GALNTL5: variants seen among roughly 807,000 people sequenced by gnomAD.
GALNTL5 encodes inactive polypeptide N-acetylgalactosaminyltransferase-like protein 5.
Under a neutral mutation model 51.0 loss-of-function variants are expected in GALNTL5, and 44 were observed. The ratio of observed to expected loss-of-function variants is 0.86; its 90% CI spans 0.68 to 1.11. GALNTL5 has a LOEUF of 1.11. GALNTL5 is among the 50% of genes least tolerant of loss of function. The probability of loss-of-function intolerance (pLI) is 0.00; values close to 1 mark genes in which losing one functional copy is unlikely to be tolerated. For missense variants in GALNTL5, 528 were observed against 531.8 expected, an observed-to-expected ratio of 0.99 and a Z score of 0.07; for synonymous variants, 192 against 182.8, an observed-to-expected ratio of 1.05 and a Z score of -0.41.
chr7:151,974,337 G>T (rs1049374629), intron 3 of GALNTL5, among the ~76,000 whole-genome samples: 2 of 152,096 alleles, frequency 1.3e-5, no homozygotes, highest in African/African-American at 4.8e-5. Flanking sequence ...TGCCCTCAAG[G>T]TTCATCTATG....
chr7:152,012,149 G>A (rs2081745299), intron 7 of GALNTL5, among the ~76,000 whole-genome samples: 1 of 152,172 alleles, frequency 6.6e-6, no homozygotes. Flanking sequence ...CATGATGTGT[G>A]CTCACGATCC....
intron 5 of GALNTL5, among the ~76,000 whole-genome samples, chr7:151,999,476 A>G (rs2081544113): frequency 6.6e-6 from 1 of 152,224 alleles, no homozygotes; most frequent in South Asian, 2.1e-4. Flanking sequence ...TCCCACCAGC[A>G]ATGTGTAAGA....
intron 2 of GALNTL5, 129 bp from the exon 3 acceptor site, chr7:151,970,816 G>A: frequency 1.5e-6 from 1 of 686,868 alleles, no homozygotes; most frequent in South Asian, 1.9e-5. Context: ...GACCATTTTT[G>A]CACAGATCGA....
intron 1 of GALNTL5, among the ~76,000 whole-genome samples, chr7:151,964,561 C>CT (rs1213592840): frequency 1.3e-5 from 2 of 152,152 alleles, no homozygotes; most frequent in South Asian, 2.1e-4. Context: ...CTTGCTCCTC[C>CT]TTGCCTTCCA....
intron 5 of GALNTL5, chr7:151,994,976 C>T (rs1217577830): frequency 6.6e-6 from 1 of 152,180 alleles, no homozygotes; most frequent in African/African-American, 2.4e-5. Context: ...CCAGGATGGT[C>T]TCGATCTCCT....
intron 5 of GALNTL5, chr7:151,995,179 G>C (rs1287957513): frequency 6.6e-6 from 1 of 152,366 alleles, no homozygotes; most frequent in Non-Finnish European, 1.5e-5. Context: ...GGCAGCCTGC[G>C]GTGAATGCTG....
intron 3 of GALNTL5, 150 bp downstream of exon 3, chr7:151,971,215 GT>G: frequency 1.7e-6 from 1 of 604,526 alleles, no homozygotes; most frequent in Non-Finnish European, 2.8e-6. Flanking sequence ...AGGACTTGAA[GT>G]CAGATAATGT....
chr7:151,991,559 C>G (rs2081429370), intron 5 of GALNTL5, among the ~76,000 whole-genome samples: 1 of 152,148 alleles, frequency 6.6e-6, no homozygotes, highest in Non-Finnish European at 1.5e-5. Context: ...GAATAGTCCA[C>G]CATTTCTTCA....
intron 6 of GALNTL5, among the ~76,000 whole-genome samples, chr7:152,004,321 A>G (rs2081616739): frequency 6.7e-6 from 1 of 150,346 alleles, no homozygotes. Flanking sequence ...TACCTATTAT[A>G]TGTAATATAT....
intron 3 of GALNTL5, among the ~76,000 whole-genome samples, chr7:151,977,409 T>C (rs2081220240): frequency 6.6e-6 from 1 of 152,180 alleles, no homozygotes; most frequent in Non-Finnish European, 1.5e-5. Flanking sequence ...TACGAACTTA[T>C]GAGCACAAGG....
At chr7:151,957,422 G>C (rs1277212517) in intron 1 of GALNTL5, among the ~76,000 whole-genome samples, 2 of 150,006 alleles carry the variant, frequency 1.3e-5, no homozygotes, top group African/African-American at 4.9e-5. Flanking sequence ...GCACTCACCA[G>C]CCTGTAGTAC....
At position 152,018,427 on chromosome 7, in the gene GALNTL5, G is replaced by A. The variant is rs546750581; in HGVS notation, c.1177-1219G>A. Among the ~76,000 whole-genome samples, 230 of 152,074 alleles carry A rather than the reference G, an allele frequency of 1.5e-3. 2 individuals carry two copies. Among genetic ancestry groups the A allele is most frequent in the African/African-American group, 5.2e-3 (217 of 41,496 alleles). On this transcript the variant is annotated intron_variant, in intron 8 of 8. Transcript: ENST00000392800. ...ATTGTTTAAAATTGTATTTCATTAC[G>A]ACAACTCTTGAGCTTATTTTCATGT...
At position 152,003,116 on chromosome 7, in the gene GALNTL5, T is replaced by C. The variant is rs117873175; in HGVS notation, c.908+153T>C. Among the ~76,000 whole-genome samples the C allele has an allele frequency of 1.7e-3, 265 of 152,314 alleles. 8 individuals carry two copies. The East Asian group carries it at 0.043, about 25-fold the overall frequency. ...AGTCTTTAATACAGTAATAGAATTA[T>C]TGTTAATAGAATCACTTAGGACTCA... On this transcript the variant is annotated intron_variant, in intron 6 of 8. Coordinates refer to ENST00000392800, the MANE Select transcript of GALNTL5 (RefSeq NM_145292.4).
Position 152,000,386 on chromosome 7 carries a change from C to T in GALNTL5, c.659-2328C>T, listed in dbSNP as rs956682320. 2.0e-5 allele frequency among the ~76,000 whole-genome samples: 3 copies of T among 152,154 alleles called. No individual in the cohort carries two copies. In the East Asian group the frequency reaches 5.8e-4, roughly 29 times the overall value. On this transcript the variant is annotated intron_variant, in intron 5 of 8. Transcript: ENST00000392800. ...TTGCCCAGTTTGTGGGAACTGCTGA[C>T]CAGAGACCACCAGGGATGAGAAGGG... is the stretch of plus-strand genomic sequence containing the variant.
At chr7:151,999,373 T>C (rs2081542537) in intron 5 of GALNTL5, among the ~76,000 whole-genome samples, 1 of 152,238 alleles carries the variant, frequency 6.6e-6, no homozygotes, top group East Asian at 1.9e-4. Flanking sequence ...GGCATGTTCC[T>C]AGGAATAGAA....
At chr7:151,956,802 A>G (rs940147938) in intron 1 of GALNTL5, among the ~76,000 whole-genome samples, 193 bp downstream of exon 1, 3 of 152,190 alleles carry the variant, frequency 2.0e-5, no homozygotes, top group Non-Finnish European at 4.4e-5. Flanking sequence ...ACACCACCCT[A>G]AACGTGGACT....
intron 2 of GALNTL5, among the ~76,000 whole-genome samples, chr7:151,970,158 C>G (rs1409428158): frequency 6.6e-6 from 1 of 150,978 alleles, no homozygotes; most frequent in Non-Finnish European, 1.5e-5. Context: ...TGGGGGGGCC[C>G]CCACCAATAG....
At chr7:152,017,302 A>T (rs960834421) in intron 8 of GALNTL5, among the ~76,000 whole-genome samples, 5 of 152,160 alleles carry the variant, frequency 3.3e-5, no homozygotes, top group Non-Finnish European at 5.9e-5. Context: ...TTGTAACACA[A>T]TGGTAAGTAT....
intron 3 of GALNTL5, among the ~76,000 whole-genome samples, chr7:151,975,099 T>C (rs2151942889): frequency 6.6e-6 from 1 of 152,332 alleles, no homozygotes; most frequent in African/African-American, 2.4e-5. Flanking sequence ...TCTCATAAAA[T>C]GAGTTTGGAA....
Sources: gnomAD v4.1 joint callset for allele counts (sites outside exome capture counted in the v4.1 genomes callset) on GRCh38, gnomAD v4.1.1 for gene constraint, MANE v1.5 for transcripts, NCBI Gene and HGNC (gene_info 2026-07-23, HGNC 2026-07-21) for gene names.